ASB2: variants seen among roughly 807,000 people sequenced by gnomAD.
ASB2 encodes ankyrin repeat and SOCS box protein 2.
ASB2 carries 58 observed loss-of-function variants against 62.4 expected under a neutral mutation model. The ratio of observed to expected loss-of-function variants is 0.93; its 90% confidence interval spans 0.75 to 1.16. ASB2 has a LOEUF of 1.16. Ranked by LOEUF, ASB2 falls within the 50% of genes most tolerant of loss-of-function variation. ASB2 has a pLI of 0.00. For missense variants in ASB2, 928 were observed against 887.9 expected (o/e 1.05, Z -0.57); for synonymous variants, 386 against 385.3 (o/e 1.00, Z -0.02).
chr14:93,943,994 GC>G (rs1339962996), intron 7 of ASB2: 1 of 455,950 alleles, frequency 2.2e-6, no homozygotes, highest in Non-Finnish European at 4.4e-6. Context: ...CAGAAGTAAG[GC>G]CCAGAATGCA....
intron 9 of ASB2, among the ~76,000 whole-genome samples, chr14:93,936,724 C>T (rs1454680137): frequency 2.6e-5 from 4 of 152,138 alleles, no homozygotes; most frequent in Non-Finnish European, 4.4e-5. Context: ...GTGGGCCCCC[C>T]GAGGCTGCAC....
At chr14:93,963,213 A>G (rs2141311901) in intron 2 of ASB2, among the ~76,000 whole-genome samples, 1 of 152,210 alleles carries the variant, frequency 6.6e-6, no homozygotes, top group South Asian at 2.1e-4. Flanking sequence ...TGTTGTTGTT[A>G]TTTGAGAAGG....
At chr14:93,957,142 T>A in intron 2 of ASB2, 7 of 816,898 alleles carry the variant, frequency 8.6e-6, no homozygotes, top group Non-Finnish European at 1.2e-5. Flanking sequence ...CACCCCCCGG[T>A]CCCCCTCCCC....
At chr14:93,970,202 G>A (rs939803084) in intron 1 of ASB2, among the ~76,000 whole-genome samples, 6 of 152,192 alleles carry the variant, frequency 3.9e-5, no homozygotes, top group African/African-American at 1.4e-4. Context: ...AAAACTGGGG[G>A]CTAGAGGAGA....
At chr14:93,949,483 C>T (rs1888868363) in intron 6 of ASB2, among the ~76,000 whole-genome samples, 1 of 152,234 alleles carries the variant, frequency 6.6e-6, no homozygotes, top group South Asian at 2.1e-4. Flanking sequence ...CAGCGCAGTG[C>T]CTGCCACAGG....
intron 3 of ASB2, 134 bp downstream of exon 3, chr14:93,956,632 G>A: frequency 1.7e-6 from 2 of 1,205,510 alleles, no homozygotes; most frequent in South Asian, 1.3e-5. Flanking sequence ...ACCCCTAGAA[G>A]GAGCGTGCCT....
At chr14:93,944,117 G>C (rs1888633053) in intron 7 of ASB2, 1 of 408,468 alleles carries the variant, frequency 2.4e-6, no homozygotes. Flanking sequence ...CCTCAGCCAC[G>C]GCCCAGACCA....
Position 93,939,365 on chromosome 14 carries a change from G to A in ASB2, c.1360C>T (p.Leu454=). The change falls in exon 8 of 10, where the codon CTG becomes TTG. Residue 454 remains leucine (L), a synonymous_variant. Coordinates refer to ENST00000555019, the MANE Select transcript of ASB2 (RefSeq NM_001202429.2). ...PLLVAIRHGC[L]RTMQLLLDHG... ...TCCAGCAGCAGCTGCATTGTGCGCA[G>A]GCAGCCGTGGCGGATGGCCACGAGC... 1 of 1,612,814 alleles carries A rather than the reference G, an allele frequency of 6.2e-7. No individual in the cohort carries two copies. Among genetic ancestry groups the A allele is most frequent in the Non-Finnish European group, 8.5e-7 (1 of 1,179,798 alleles).
intron 1 of ASB2, among the ~76,000 whole-genome samples, chr14:93,965,372 AT>A (rs1216476502): frequency 6.6e-6 from 1 of 152,180 alleles, no homozygotes; most frequent in Non-Finnish European, 1.5e-5. Flanking sequence ...GCATTTCTCC[AT>A]TTCTTTGCAC....
chr14:93,952,180 G>T (rs768567551), intron 5 of ASB2, among the ~76,000 whole-genome samples: 11 of 152,240 alleles, frequency 7.2e-5, no homozygotes, highest in Non-Finnish European at 1.3e-4. Context: ...CTGTAAAATG[G>T]AGAGAATAAA....
rs564101092 is a variant in ASB2 at position 93,956,524 on chromosome 14, G to GA, written c.311+241_311+242insT. Reference sequence around the variant, plus strand: ...AGGTCCCATGCTGGGGGCATCTGAGGGGGGGATCACCAGCATGCCTGGCTG... The same window carrying GA: ...AGGTCCCATGCTGGGGGCATCTGAGGAGGGGGATCACCAGCATGCCTGGCTG... On this transcript the variant is annotated intron_variant, in intron 3 of 9. Transcript: ENST00000555019. Among the ~76,000 whole-genome samples, 3 of 152,084 alleles carry GA rather than the reference G, an allele frequency of 2.0e-5. No homozygotes were observed. In the East Asian group the frequency reaches 5.8e-4, roughly 29 times the overall value.
intron 1 of ASB2, among the ~76,000 whole-genome samples, chr14:93,967,380 G>A (rs12434229): frequency 0.02 from 3,104 of 152,190 alleles, 112 homozygotes; most frequent in African/African-American, 0.07. Flanking sequence ...ATACCCCACC[G>A]CCTGGTGCAA....
In ASB2 at chr14:93,950,990, G is replaced by A. The variant is rs1299675226; in HGVS notation, c.880+9C>T. The stretch of plus-strand genomic sequence containing the variant: ...GGACTCCATGACCTAGGGACCCTTA[G>A]CCACTCACCGTACTTGGCTAAGAAC... On this transcript the variant is annotated intron_variant, in intron 6 of 9. Transcript: ENST00000555019. The A allele has an allele frequency of 5.0e-6, 8 of 1,610,466 alleles. No homozygotes were observed. The Admixed American group carries it at 1.3e-4, about 27-fold the overall frequency.
rs770539614 is a variant in ASB2 at position 93,939,099 on chromosome 14, G to A, written c.1617+9C>T. ...GGCGTGCTCCCCACCGCCAGCGTGC[G>A]CTGCCCACCTGCACCACGCTGGGCT... On this transcript the variant is annotated intron_variant, in intron 8 of 9. Transcript: ENST00000555019. 1 of 1,456,080 alleles carries A rather than the reference G, an allele frequency of 6.9e-7. No homozygotes were observed. Among genetic ancestry groups the A allele is most frequent in the East Asian group, 2.6e-5 (1 of 39,202 alleles). The allele number at this position is 1,456,080 out of a possible 1,614,324, so 90.2% of individuals were successfully genotyped here.
At chr14:93,976,165 A>G (rs755168644) in intron 1 of ASB2, among the ~76,000 whole-genome samples, 2 of 152,194 alleles carry the variant, frequency 1.3e-5, no homozygotes, top group Non-Finnish European at 2.9e-5. Context: ...TTGCATTTCC[A>G]TTTTTAGAAG....
At chr14:93,934,817 G>T in intron 9 of ASB2, 25 bp from the exon 10 acceptor site, 1 of 1,603,878 alleles carries the variant, frequency 6.2e-7, no homozygotes, top group Non-Finnish European at 8.5e-7. Flanking sequence ...GAAAGACAGA[G>T]GCTGATTTGT....
At chr14:93,972,985 T>C (rs56225576) in intron 1 of ASB2, among the ~76,000 whole-genome samples, 232 of 152,304 alleles carry the variant, frequency 1.5e-3, no homozygotes, top group African/African-American at 4.7e-3. Flanking sequence ...CTTTTGATGC[T>C]GATTTCAAGC....
chr14:93,946,657 C>A (rs1338141027), intron 7 of ASB2, among the ~76,000 whole-genome samples: 1 of 152,226 alleles, frequency 6.6e-6, no homozygotes, highest in Non-Finnish European at 1.5e-5. Flanking sequence ...AGCTCTTCGG[C>A]ATGCTCTTTC....
chr14:93,956,522 A>AGG (rs3835251), intron 3 of ASB2, among the ~76,000 whole-genome samples: 11 of 151,838 alleles, frequency 7.2e-5, no homozygotes, highest in South Asian at 2.1e-4. Context: ...GGGGCATCTG[A>AGG]GGGGGGGATC....
Sources: allele counts gnomAD v4.1 joint callset (sites outside exome capture counted in the v4.1 genomes callset), GRCh38; gene constraint gnomAD v4.1.1; transcripts MANE v1.5; gene names NCBI Gene and HGNC (gene_info 2026-07-23, HGNC 2026-07-21).